The following C12orf42 variants were observed in gnomAD, a reference collection of about 807,000 sequenced individuals.
C12orf42 encodes the protein chromosome 12 open reading frame 42.
Under a neutral mutation model 21.6 loss-of-function variants are expected in C12orf42, and 25 were observed. The ratio of observed to expected loss-of-function variants is 1.16; its 90% CI spans 0.84 to 1.62. The LOEUF is 1.62. C12orf42 is among the 40% of genes most tolerant of loss of function. C12orf42 has a pLI of 0.00. For missense variants in C12orf42, 483 were observed against 459.3 expected (o/e 1.05, Z -0.47); for synonymous variants, 174 against 175.0 (o/e 0.99, Z 0.05).
chr12:103,448,986 C>T (rs903706061), intron 2 of C12orf42, among the ~76,000 whole-genome samples: 1 of 151,958 alleles, frequency 6.6e-6, no homozygotes, highest in Admixed American at 6.6e-5. Context: ...GAAAAAGATA[C>T]TTGCACACAC....
the C12orf42 span, among the ~76,000 whole-genome samples, chr12:103,101,492 T>A: frequency 6.6e-6 from 1 of 152,168 alleles, no homozygotes; most frequent in Admixed American, 6.5e-5. Context: ...GAAATTGACA[T>A]CTTGTTCAGA....
the C12orf42 span, among the ~76,000 whole-genome samples, chr12:103,513,576 T>C: frequency 1.3e-5 from 2 of 152,162 alleles, no homozygotes; most frequent in Non-Finnish European, 2.9e-5. Context: ...AAGAAAAAGC[T>C]TTCACTCTCA....
chr12:103,303,011 T>A (rs1042674119), intron 5 of C12orf42, among the ~76,000 whole-genome samples: 3 of 152,164 alleles, frequency 2.0e-5, no homozygotes, highest in African/African-American at 7.2e-5. Flanking sequence ...GGCTGTCAAC[T>A]GATGATTTTT....
chr12:103,482,426 G>T (rs1020020842), intron 1 of C12orf42, among the ~76,000 whole-genome samples: 2 of 152,092 alleles, frequency 1.3e-5, no homozygotes, highest in Non-Finnish European at 2.9e-5. Context: ...TCAGTCTGTT[G>T]CCAATGCCTA....
chr12:103,552,851 A>G, the C12orf42 span, among the ~76,000 whole-genome samples: 1 of 152,194 alleles, frequency 6.6e-6, no homozygotes, highest in African/African-American at 2.4e-5. Context: ...ACTTATACTC[A>G]TGGTGGAAAG....
chr12:103,197,117 C>A, the C12orf42 span, among the ~76,000 whole-genome samples: 4 of 152,254 alleles, frequency 2.6e-5, no homozygotes, highest in Middle Eastern at 3.4e-3. Context: ...CTGGTGGTAA[C>A]AATTTCCCTT....
At chr12:103,353,352 G>A (rs570372633) in intron 4 of C12orf42, among the ~76,000 whole-genome samples, 12 of 151,984 alleles carry the variant, frequency 7.9e-5, no homozygotes, top group African/African-American at 2.4e-4. Flanking sequence ...GAGAGAAGGC[G>A]ACTGTGTTTT....
At chr12:103,494,518 G>T (rs1483351899) in intron 1 of C12orf42, among the ~76,000 whole-genome samples, 1 of 151,730 alleles carries the variant, frequency 6.6e-6, no homozygotes, top group African/African-American at 2.4e-5. Flanking sequence ...AAAAGGAGGA[G>T]GATGGGTGGG....
chr12:103,285,032 T>C (rs980418508), intron 4 of C12orf42, among the ~76,000 whole-genome samples: 9 of 152,166 alleles, frequency 5.9e-5, no homozygotes, highest in African/African-American at 1.9e-4. Context: ...TCAAAGCAAG[T>C]AGTCCTCATA....
intron 4 of C12orf42, among the ~76,000 whole-genome samples, chr12:103,365,475 A>G (rs1233147434): frequency 1.3e-5 from 2 of 152,100 alleles, no homozygotes; most frequent in Non-Finnish European, 2.9e-5. Context: ...TCCTAGCCAG[A>G]GCAATCAGAC....
At chr12:103,190,575 A>C in the C12orf42 span, among the ~76,000 whole-genome samples, 1 of 152,242 alleles carries the variant, frequency 6.6e-6, no homozygotes, top group Non-Finnish European at 1.5e-5. Context: ...AAAAGAACAA[A>C]ACAAATTCTG....
At chr12:103,378,382 T>C (rs1164255511) in intron 3 of C12orf42, among the ~76,000 whole-genome samples, 1 of 152,138 alleles carries the variant, frequency 6.6e-6, no homozygotes, top group East Asian at 1.9e-4. Context: ...AAAGGCACCC[T>C]CCCAATTCTT....
At chr12:103,359,945 G>A (rs934146537) in intron 4 of C12orf42, among the ~76,000 whole-genome samples, 10 of 151,310 alleles carry the variant, frequency 6.6e-5, no homozygotes, top group African/African-American at 2.4e-4. Context: ...CCATGATCCT[G>A]CCCTGTGAAT....
chr12:103,339,006 A>G (rs1272875105), intron 4 of C12orf42, among the ~76,000 whole-genome samples: 3 of 152,234 alleles, frequency 2.0e-5, no homozygotes, highest in African/African-American at 7.2e-5. Flanking sequence ...TGGAATATTC[A>G]TTCACATTAA....
downstream of C12orf42, among the ~76,000 whole-genome samples, chr12:103,301,664 A>G (rs1315345844): frequency 6.6e-6 from 1 of 152,206 alleles, no homozygotes; most frequent in Non-Finnish European, 1.5e-5. Context: ...AATTTCATGT[A>G]AATTATTAAA....
the C12orf42 span, among the ~76,000 whole-genome samples, chr12:103,171,719 G>T: frequency 6.6e-6 from 1 of 152,106 alleles, no homozygotes; most frequent in South Asian, 2.1e-4. Context: ...CGAAACAGGA[G>T]AACAATGAAG....
At position 103,378,429 on chromosome 12, in the gene C12orf42, T is replaced by C. The variant is rs12424243; in HGVS notation, c.148-9431A>G. The stretch of plus-strand genomic sequence containing the variant: ...CACCATAGGCACCAACTTGTCTCTA[T>C]GATTATTCTCCCTGAAAGTAGTAAT... On this transcript the variant is annotated intron_variant, in intron 3 of 5. Coordinates refer to ENST00000548883, the MANE Select transcript of C12orf42 (RefSeq NM_198521.5). Among the ~76,000 whole-genome samples, 1,974 of 152,248 alleles carry C rather than the reference T, an allele frequency of 0.013. 128 individuals are homozygous for C. In the East Asian group the frequency reaches 0.22, roughly 17 times the overall value.
the C12orf42 span, chr12:103,155,107 T>C: frequency 6.6e-6 from 1 of 152,242 alleles, no homozygotes; most frequent in African/African-American, 2.4e-5. Flanking sequence ...TACCACAATA[T>C]ACCAGTCTTT....
At chr12:103,198,208 C>T in the C12orf42 span, among the ~76,000 whole-genome samples, 1 of 152,120 alleles carries the variant, frequency 6.6e-6, no homozygotes, top group East Asian at 1.9e-4. Flanking sequence ...TGAATGAGTG[C>T]CAGCAAAACA....
Sources: allele counts gnomAD v4.1 joint callset (sites outside exome capture counted in the v4.1 genomes callset), GRCh38; gene constraint gnomAD v4.1.1; transcripts MANE v1.5; gene names NCBI Gene and HGNC (gene_info 2026-07-23, HGNC 2026-07-21).